The following HCN3 variants were observed in gnomAD, a reference collection of about 807,000 sequenced individuals.
HCN3 encodes potassium/sodium hyperpolarization-activated cyclic nucleotide-gated channel 3.
Under a neutral mutation model 56.8 loss-of-function variants are expected in HCN3, and 36 were observed. The observed-to-expected ratio is 0.63, with a 90% confidence interval of 0.49 to 0.84. The LOEUF (loss-of-function observed/expected upper bound fraction) is 0.84. Ranked by LOEUF, HCN3 falls within the 40% of genes least tolerant of loss-of-function variation. The pLI is 0.00. For missense variants in HCN3, 930 were observed against 1,079.3 expected (o/e 0.86, Z 1.94); for synonymous variants, 425 against 439.7 (o/e 0.97, Z 0.42).
At position 155,288,504 on chromosome 1, in the gene HCN3, AGTAT is replaced by A. The variant is rs1674398232; in HGVS notation, c.*45_*48del. The A allele has an allele frequency of 2.6e-6, 4 of 1,534,466 alleles. No individual in the cohort carries two copies. The highest frequency in any genetic ancestry group is 2.3e-5 in the East Asian group (1 of 44,296). ...CCAGCCTTAGTTCTTGGGGTGCAGT[AGTAT>A]GTACCCAAGGGCAGATGCCTCTTGG... On this transcript the variant is annotated 3_prime_UTR_variant, in exon 8 of 8. Transcript: ENST00000368358. This position sits in a 1 kb window ranked among gnomAD's most constrained non-coding sequence, Gnocchi z 6.5.
chr1:155,283,770 A>G (rs927198263), intron 2 of HCN3, among the ~76,000 whole-genome samples: 1 of 152,096 alleles, frequency 6.6e-6, no homozygotes, highest in Non-Finnish European at 1.5e-5. Flanking sequence ...TCCTATCTAT[A>G]AGATGAGAGA....
intron 2 of HCN3, among the ~76,000 whole-genome samples, chr1:155,283,216 T>A (rs954649222): frequency 2.6e-5 from 4 of 152,144 alleles, no homozygotes; most frequent in African/African-American, 9.7e-5. Flanking sequence ...AGTCTCATTG[T>A]CTTTGGTCAG....
Position 155,288,646 on chromosome 1 carries a change from C to A in HCN3, c.*183C>A. ...TGTCCTCAGCTCAAGAATCCTGTAG[C>A]TTGTCCCATCATAATCCATTCACCC... On this transcript the variant is annotated 3_prime_UTR_variant, in exon 8 of 8. Coordinates refer to ENST00000368358, the MANE Select transcript of HCN3 (RefSeq NM_020897.3). The surrounding 1 kb of genome is among the most constrained non-coding windows in gnomAD (Gnocchi z 6.5). 2.8e-6 allele frequency: 2 copies of A among 723,290 alleles called. No homozygotes were observed. The highest frequency in any genetic ancestry group is 4.4e-6 in the Non-Finnish European group (2 of 456,160). The allele number at this position is 723,290 out of a possible 1,614,324, so 44.8% of individuals were successfully genotyped here.
chr1:155,288,420 A>C lies in HCN3; in HGVS notation c.2282A>C (p.Glu761Ala), dbSNP rs1450451001. ...TAQPPRPPVP[E>A]PATPRGLQLS... ...CAGCCCCCCAGGCCACCAGTGCCTGAGCCAGCCACACCCCGGGGTCTCCAG... is the reference window on the plus strand; with the variant it reads ...CAGCCCCCCAGGCCACCAGTGCCTGCGCCAGCCACACCCCGGGGTCTCCAG... The change falls in exon 8 of 8, where the codon GAG (glutamate) becomes GCG (alanine). Residue 761 changes from glutamate to alanine, a missense_variant. Transcript: ENST00000368358. The surrounding 1 kb of genome is among the most constrained non-coding windows in gnomAD (Gnocchi z 6.5). The C allele has an allele frequency of 6.2e-7, 1 of 1,611,372 alleles. No homozygotes were observed. The highest frequency in any genetic ancestry group is 8.5e-7 in the Non-Finnish European group (1 of 1,178,982).
chr1:155,286,367 G>A (rs573728957), intron 6 of HCN3, among the ~76,000 whole-genome samples: 15 of 152,208 alleles, frequency 9.9e-5, no homozygotes, highest in Admixed American at 4.6e-4. Flanking sequence ...GGATGGTCTC[G>A]ATCTCCTGAC....
Position 155,287,828 on chromosome 1 carries a change from G to C in HCN3, c.1690G>C (p.Gly564Arg), listed in dbSNP as rs991827266. 3.1e-6 allele frequency: 5 copies of C among 1,609,996 alleles called. No individual in the cohort carries two copies. The African/African-American group carries it at 6.7e-5, about 22-fold the overall frequency. ...GCGGAAGCGCTCCGAGCCAAGTCCAGGCAGCAGTGGTGGCATCATGGAGCA... is the reference window on the plus strand; with the variant it reads ...GCGGAAGCGCTCCGAGCCAAGTCCACGCAGCAGTGGTGGCATCATGGAGCA... ...LQRKRSEPSP[G>R]SSGGIMEQHL... is the part of the protein sequence containing the mutation. Residue 564 changes from glycine to arginine, a missense_variant, in exon 8 of 8, where the codon GGC (glycine) becomes CGC (arginine). Gly to Arg is a moderately radical substitution (Grantham distance 125). Transcript: ENST00000368358.
Position 155,288,098 on chromosome 1 carries a change from G to A in HCN3, c.1960G>A (p.Ala654Thr), listed in dbSNP as rs1674371588. ...TGCTTGGCGCTCAGCAGGCTCTCCA[G>A]CTTCCCCGCTGGTGCCCGTCCGAGC... ...RSAWRSAGSPASPLVPVRAGP... is the reference protein window; with the variant it reads ...RSAWRSAGSPTSPLVPVRAGP... Residue 654 changes from alanine (A) to threonine (T), a missense_variant, in exon 8 of 8, where the codon GCT (alanine) becomes ACT (threonine). Ala to Thr is a moderately conservative substitution (Grantham distance 58, BLOSUM62 0). Transcript: ENST00000368358. The surrounding 1 kb of genome is among the most constrained non-coding windows in gnomAD (Gnocchi z 6.5). 6.2e-7 allele frequency: 1 copy of A among 1,609,632 alleles called. No individual in the cohort carries two copies. The highest frequency in any genetic ancestry group is 1.3e-5 in the African/African-American group (1 of 74,916).
At chr1:155,281,366 G>T (rs1344731713) in intron 1 of HCN3, among the ~76,000 whole-genome samples, 1 of 149,576 alleles carries the variant, frequency 6.7e-6, no homozygotes. Flanking sequence ...ACCACACCTG[G>T]CCTTCTTCTT....
chr1:155,284,634 G>A lies in HCN3; in HGVS notation c.966G>A (p.Met322Ile). 4.3e-6 allele frequency: 7 copies of A among 1,614,146 alleles called. No homozygotes were observed. Among genetic ancestry groups the A allele is most frequent in the Non-Finnish European group, 5.9e-6 (7 of 1,180,046 alleles). ...IGYGQQAPVGMPDVWLTMLSM... is the reference protein window; with the variant it reads ...IGYGQQAPVGIPDVWLTMLSM... ...ATGGGCAGCAGGCACCTGTAGGCAT[G>A]CCCGACGTCTGGCTCACCATGCTCA... The change falls in exon 4 of 8, where the codon ATG (methionine) becomes ATA (isoleucine). Residue 322 changes from methionine to isoleucine, a missense_variant. Coordinates refer to ENST00000368358, the MANE Select transcript of HCN3 (RefSeq NM_020897.3). This position sits in a 1 kb window ranked among gnomAD's most constrained non-coding sequence, Gnocchi z 4.3.
At position 155,285,413 on chromosome 1, in the gene HCN3, C is replaced by A; in HGVS notation, c.1236+102C>A. 6.9e-7 allele frequency: 1 copy of A among 1,455,182 alleles called. No homozygotes were observed. The highest frequency in any genetic ancestry group is 1.3e-5 in the South Asian group (1 of 75,194). The allele number at this position is 1,455,182 out of a possible 1,614,324, so 90.1% of individuals were successfully genotyped here. A position where few individuals can be genotyped will look rare whatever the true frequency, so the allele number is the denominator to read the frequency against. On this transcript the variant is annotated intron_variant, in intron 5 of 7. Transcript: ENST00000368358. This position sits in a 1 kb window ranked among gnomAD's most constrained non-coding sequence, Gnocchi z 4.5. Reference sequence around the variant, plus strand: ...GCAGGTGCTCCTATAGGGAATGAGGCCTGCAGAGGGCCCCGTGGGAGGCCA... The same window carrying A: ...GCAGGTGCTCCTATAGGGAATGAGGACTGCAGAGGGCCCCGTGGGAGGCCA...
At position 155,282,709 on chromosome 1, in the gene HCN3, G is replaced by C. The variant is rs1269895541; in HGVS notation, c.577G>C (p.Glu193Gln). The C allele has an allele frequency of 6.2e-7, 1 of 1,614,072 alleles. No homozygotes were observed. Among genetic ancestry groups the C allele is most frequent in the Non-Finnish European group, 8.5e-7 (1 of 1,180,046 alleles). The change falls in exon 2 of 8, where the codon GAG becomes CAG. Residue 193 changes from glutamate to glutamine, a missense_variant. By Grantham distance (29) the Glu-to-Gln change is conservative. Coordinates refer to ENST00000368358, the MANE Select transcript of HCN3 (RefSeq NM_020897.3). The surrounding 1 kb of genome is among the most constrained non-coding windows in gnomAD (Gnocchi z 4.7). Reference sequence around the variant, plus strand: ...TTACATCTTCCTAGTGGTGGAGCTGGAGCCACGGTTGGACGCTGAGGTCTA... The same window carrying C: ...TTACATCTTCCTAGTGGTGGAGCTGCAGCCACGGTTGGACGCTGAGGTCTA... ...VDYIFLVVEL[E>Q]PRLDAEVYKT...
chr1:155,280,498 A>G (rs1485078539), intron 1 of HCN3, among the ~76,000 whole-genome samples: 2 of 147,218 alleles, frequency 1.4e-5, no homozygotes, highest in South Asian at 2.1e-4. Flanking sequence ...GTGCAGTGGC[A>G]CAATCTCGGC....
chr1:155,279,227 A>C (rs932360789), intron 1 of HCN3, among the ~76,000 whole-genome samples: 1 of 152,184 alleles, frequency 6.6e-6, no homozygotes, highest in African/African-American at 2.4e-5. Context: ...TCCTAGAATT[A>C]AAACCACCAT....
chr1:155,277,646 T>C lies in HCN3; in HGVS notation c.56T>C (p.Leu19Pro). ...AGASEGATPG[L>P]EAVPPVAPPP... ...GCCAGCGAAGGGGCGACCCCTGGAC[T>C]GGAGGCGGTGCCTCCCGTTGCTCCC... Residue 19 changes from leucine (L) to proline (P), a missense_variant, in exon 1 of 8, where the codon CTG becomes CCG. Transcript: ENST00000368358. 1 of 1,554,550 alleles carries C rather than the reference T, an allele frequency of 6.4e-7. No individual in the cohort carries two copies. Among genetic ancestry groups the C allele is most frequent in the Non-Finnish European group, 8.7e-7 (1 of 1,150,348 alleles).
At position 155,282,862 on chromosome 1, in the gene HCN3, C is replaced by T. The variant is rs1035115459; in HGVS notation, c.708+22C>T. ...GGAGGTGGGGTGGGGAGATGGCGGG[C>T]GGGGCAGTGGGTGGGGGATGTTGGG... On this transcript the variant is annotated intron_variant, in intron 2 of 7. Transcript: ENST00000368358. The surrounding 1 kb of genome is among the most constrained non-coding windows in gnomAD (Gnocchi z 4.7). 2.3e-5 allele frequency: 6 copies of T among 257,734 alleles called. No individual in the cohort carries two copies. Among genetic ancestry groups the T allele is most frequent in the African/African-American group, 6.3e-5 (1 of 15,950 alleles). The allele number at this position is 257,734 out of a possible 1,614,324, so 16.0% of individuals were successfully genotyped here.
chr1:155,282,339 C>T lies in HCN3; in HGVS notation c.279-72C>T. 7.0e-7 allele frequency: 1 copy of T among 1,435,430 alleles called. No individual in the cohort carries two copies. The highest frequency in any genetic ancestry group is 9.7e-7 in the Non-Finnish European group (1 of 1,030,442). 88.9% of individuals were successfully genotyped at this position (1,435,430 alleles called of 1,614,324 possible). On this transcript the variant is annotated intron_variant, in intron 1 of 7. Transcript: ENST00000368358. The surrounding 1 kb of genome is among the most constrained non-coding windows in gnomAD (Gnocchi z 4.7). ...CTTTGCCCATTCTTGGCCATGTCAG[C>T]CTATCTTCTGTCAGTCTAGTGGCTG...
chr1:155,287,908 G>A lies in HCN3; in HGVS notation c.1770G>A (p.Pro590=), dbSNP rs751449530. ...DMARGVRGRA[P]STGAQLSGKP... The stretch of plus-strand genomic sequence containing the variant: ...CTCGGGGTGTTCGGGGTCGGGCCCC[G>A]AGCACAGGAGCTCAGCTTAGTGGAA... Residue 590 remains proline (P), a synonymous_variant, in exon 8 of 8, where the codon CCG becomes CCA. Coordinates refer to ENST00000368358, the MANE Select transcript of HCN3 (RefSeq NM_020897.3). 6.8e-6 allele frequency: 11 copies of A among 1,613,840 alleles called. No individual in the cohort carries two copies. The highest frequency in any genetic ancestry group is 1.1e-5 in the South Asian group (1 of 91,076).
chr1:155,287,736 A>G, intron 7 of HCN3, 45 bp from the exon 8 acceptor site: 1 of 1,537,210 alleles, frequency 6.5e-7, no homozygotes, highest in South Asian at 1.3e-5. Context: ...TCCATCTTGG[A>G]TTCCTTCCCT....
chr1:155,287,399 C>A (rs955386260), intron 7 of HCN3, 62 bp downstream of exon 7: 2 of 1,589,258 alleles, frequency 1.3e-6, no homozygotes, highest in South Asian at 1.1e-5. Flanking sequence ...ACCTCCAAAG[C>A]AAGGAGCCCA....
Sources: allele counts gnomAD v4.1 joint callset (sites outside exome capture counted in the v4.1 genomes callset), GRCh38; gene constraint gnomAD v4.1.1; non-coding constraint Gnocchi (gnomAD v3.1); transcripts MANE v1.5; gene names NCBI Gene and HGNC (gene_info 2026-07-23, HGNC 2026-07-21).